Variants in MOB1B observed in about 807,000 individuals in gnomAD.
MOB1B encodes the protein MOB1 Mps One Binder homolog B.
In MOB1B, 19 loss-of-function variants were observed where a neutral mutation model predicts 24.4. The observed-to-expected ratio is 0.78, with a 90% confidence interval of 0.54 to 1.14. The LOEUF (loss-of-function observed/expected upper bound fraction) is 1.14, where lower values mean the gene tolerates loss of function less well. Ranked by LOEUF, MOB1B falls within the 50% of genes most tolerant of loss-of-function variation. The pLI is 0.00. For missense variants in MOB1B, 243 were observed against 259.6 expected (o/e 0.94, Z 0.44); for synonymous variants, 76 against 82.1 (o/e 0.93, Z 0.40).
At chr4:70,917,498 C>T (rs997521090) in intron 1 of MOB1B, among the ~76,000 whole-genome samples, 4 of 152,102 alleles carry the variant, frequency 2.6e-5, no homozygotes, top group African/African-American at 9.7e-5. Context: ...AATGGGTGCA[C>T]AGTTCCAAAA....
At chr4:70,902,275 G>A, upstream of MOB1B, 2 of 578,136 alleles carry the variant, frequency 3.5e-6, no homozygotes, top group South Asian at 3.9e-5. Flanking sequence ...AGCTGGGGAG[G>A]GGCTCGCGGA....
chr4:70,975,332 A>G, intron 4 of MOB1B, 46 bp downstream of exon 4: 6 of 1,597,490 alleles, frequency 3.8e-6, no homozygotes, highest in Non-Finnish European at 5.1e-6. Flanking sequence ...TTTATCTTTT[A>G]TATGTTTATA....
intron 1 of MOB1B, among the ~76,000 whole-genome samples, chr4:70,939,559 G>T (rs536943662): frequency 1.3e-5 from 2 of 152,180 alleles, no homozygotes; most frequent in Non-Finnish European, 2.9e-5. Context: ...GCGCACACCT[G>T]CAATCCCAGC....
rs1269223081 is a variant in MOB1B, at chr4:70,919,476, C to CTGTATGTAAGACTT, written c.14+16926_14+16927insTGTATGTAAGACTT. Among the ~76,000 whole-genome samples, 21 of 152,224 alleles carry CTGTATGTAAGACTT rather than the reference C, an allele frequency of 1.4e-4. No individual in the cohort carries two copies. The East Asian group carries it at 4.1e-3, about 29-fold the overall frequency. ...AACCTCACATTCTACTGTTCTTACA[C>CTGTATGTAAGACTT]ACATTGTATGTAAGACTGTTTCTTT... On this transcript the variant is annotated intron_variant, in intron 1 of 5. Coordinates refer to ENST00000309395, the MANE Select transcript of MOB1B (RefSeq NM_173468.4).
chr4:70,906,986 A>G (rs1392534928), intron 1 of MOB1B, among the ~76,000 whole-genome samples: 1 of 152,220 alleles, frequency 6.6e-6, no homozygotes, highest in African/African-American at 2.4e-5. Context: ...GGAAAGTTTC[A>G]TGAAAGAAGT....
intron 1 of MOB1B, among the ~76,000 whole-genome samples, chr4:70,958,516 T>C (rs1210751974): frequency 3.3e-5 from 5 of 152,196 alleles, no homozygotes; most frequent in Admixed American, 2.6e-4. Context: ...TTTATTGATA[T>C]CAAATTGTAT....
intron 3 of MOB1B, among the ~76,000 whole-genome samples, chr4:70,970,832 C>T (rs1228128568): frequency 6.6e-6 from 1 of 152,084 alleles, no homozygotes; most frequent in African/African-American, 2.4e-5. Flanking sequence ...ATGGAGATAC[C>T]ATATGAAGAG....
intron 1 of MOB1B, among the ~76,000 whole-genome samples, chr4:70,920,526 CTTA>C (rs1406941458): frequency 4.6e-5 from 7 of 152,182 alleles, no homozygotes; most frequent in Admixed American, 4.6e-4. Context: ...AACCTGGCTT[CTTA>C]TTATTACAGC....
chr4:70,947,788 T>C (rs1361578421), intron 1 of MOB1B, among the ~76,000 whole-genome samples: 1 of 152,080 alleles, frequency 6.6e-6, no homozygotes, highest in Admixed American at 6.6e-5. Context: ...AGATAATTTT[T>C]TGTAGAGATA....
In MOB1B at chr4:70,971,129, C is replaced by T. The variant is rs138116765; in HGVS notation, c.275+1105C>T. On this transcript the variant is annotated intron_variant, in intron 3 of 5. Coordinates refer to ENST00000309395, the MANE Select transcript of MOB1B (RefSeq NM_173468.4). ...GGTGCATCTTTTGTTCTCTCCTCACCCTGTTTGAACTTATATGAACTGTCA... is the reference window on the plus strand; with the variant it reads ...GGTGCATCTTTTGTTCTCTCCTCACTCTGTTTGAACTTATATGAACTGTCA... 1.1e-3 allele frequency among the ~76,000 whole-genome samples: 172 copies of T among 152,192 alleles called. 1 individual carries two copies. The highest frequency in any genetic ancestry group is 3.7e-3 in the African/African-American group (154 of 41,512).
At chr4:70,981,283 AACT>A (rs773255171) in intron 5 of MOB1B, among the ~76,000 whole-genome samples, 10 of 152,172 alleles carry the variant, frequency 6.6e-5, no homozygotes, top group Non-Finnish European at 1.3e-4. Context: ...ATTAAATTGA[AACT>A]AAGAATGCCT....
At chr4:70,909,617 T>C (rs1048569662) in intron 1 of MOB1B, among the ~76,000 whole-genome samples, 1 of 152,178 alleles carries the variant, frequency 6.6e-6, no homozygotes, top group Non-Finnish European at 1.5e-5. Context: ...ATTTTATACA[T>C]AAGGAAACTA....
At chr4:70,978,096 C>T (rs865913233) in intron 4 of MOB1B, among the ~76,000 whole-genome samples, 1 of 152,292 alleles carries the variant, frequency 6.6e-6, no homozygotes, top group South Asian at 2.1e-4. Context: ...CTTAGCTCCA[C>T]CACTCCCCCT....
chr4:70,963,969 A>T (rs1407355314), intron 2 of MOB1B, among the ~76,000 whole-genome samples: 1 of 152,248 alleles, frequency 6.6e-6, no homozygotes, highest in African/African-American at 2.4e-5. Flanking sequence ...ACACTAATCC[A>T]AAGAATCCCG....
At chr4:70,913,674 G>T (rs562762082) in intron 1 of MOB1B, among the ~76,000 whole-genome samples, 41 of 152,114 alleles carry the variant, frequency 2.7e-4, no homozygotes, top group African/African-American at 8.2e-4. Flanking sequence ...TTGATCCTTT[G>T]ATTAATGTGT....
At chr4:70,902,610 C>CCGCCCGT in intron 1 of MOB1B, 60 bp downstream of exon 1, 1 of 1,459,218 alleles carries the variant, frequency 6.9e-7, no homozygotes, top group Admixed American at 2.1e-5. Context: ...CCCCCGCCCG[C>CCGCCCGT]CGCCCGCCGC....
At chr4:70,926,352 G>T (rs1250039616) in intron 1 of MOB1B, among the ~76,000 whole-genome samples, 2 of 151,716 alleles carry the variant, frequency 1.3e-5, no homozygotes, top group East Asian at 3.9e-4. Flanking sequence ...AGAGTCTTTG[G>T]TCTGTCACTA....
At chr4:70,903,159 G>T (rs537013971) in intron 1 of MOB1B, among the ~76,000 whole-genome samples, 2 of 152,124 alleles carry the variant, frequency 1.3e-5, no homozygotes, top group Non-Finnish European at 2.9e-5. Context: ...GTCTGGAGCC[G>T]CCCCCTTGCT....
chr4:70,925,880 T>G (rs935067016), intron 1 of MOB1B, among the ~76,000 whole-genome samples: 1 of 152,174 alleles, frequency 6.6e-6, no homozygotes, highest in Non-Finnish European at 1.5e-5. Flanking sequence ...GTTTAATGTG[T>G]TTTTTTCTCC....
Sources: gnomAD v4.1 joint callset for allele counts (sites outside exome capture counted in the v4.1 genomes callset) on GRCh38, gnomAD v4.1.1 for gene constraint, MANE v1.5 for transcripts, NCBI Gene and HGNC (gene_info 2026-07-23, HGNC 2026-07-21) for gene names.